The following LIN28B variants were observed in gnomAD, a reference collection of about 807,000 sequenced individuals.
The protein encoded by LIN28B is protein lin-28 homolog B.
A neutral mutation model predicts 21.9 loss-of-function variants in LIN28B; 5 were observed. The observed-to-expected ratio is 0.23, with a 90% CI of 0.12 to 0.48. LIN28B has a LOEUF of 0.48. Ranked by LOEUF, LIN28B falls within the 20% of genes least tolerant of loss-of-function variation. The pLI is 0.98. For missense variants in LIN28B, 245 were observed against 310.5 expected (o/e 0.79, Z 1.58); for synonymous variants, 109 against 111.3 (o/e 0.98, Z 0.13).
At chr6:105,046,529 C>G (rs1408518181) in intron 3 of LIN28B, among the ~76,000 whole-genome samples, 1 of 152,180 alleles carries the variant, frequency 6.6e-6, no homozygotes, top group African/African-American at 2.4e-5. Flanking sequence ...TGGGTATACA[C>G]CCAGTAATGG....
intron 2 of LIN28B, among the ~76,000 whole-genome samples, chr6:104,989,821 G>A (rs950135540): frequency 3.3e-5 from 5 of 151,798 alleles, no homozygotes; most frequent in African/African-American, 1.2e-4. Context: ...CGAACTCCTG[G>A]CCTCAAGTGA....
intron 3 of LIN28B, among the ~76,000 whole-genome samples, chr6:105,031,010 GA>G (rs897749116): frequency 1.3e-5 from 2 of 151,812 alleles, no homozygotes; most frequent in African/African-American, 4.8e-5. Context: ...AAAAAGGTAG[GA>G]AAAATTAAGT....
intron 3 of LIN28B, among the ~76,000 whole-genome samples, chr6:105,033,701 A>G (rs1771469689): frequency 6.6e-6 from 1 of 151,944 alleles, no homozygotes. Context: ...TTTATAAAAA[A>G]GTGAAGATTG....
At chr6:104,978,757 G>T (rs1031934537) in intron 2 of LIN28B, among the ~76,000 whole-genome samples, 1 of 152,054 alleles carries the variant, frequency 6.6e-6, no homozygotes, top group African/African-American at 2.4e-5. Flanking sequence ...AACACTGTTG[G>T]TTGTATATCC....
intron 2 of LIN28B, among the ~76,000 whole-genome samples, chr6:105,005,363 C>T (rs1770795480): frequency 6.6e-6 from 1 of 152,092 alleles, no homozygotes; most frequent in Non-Finnish European, 1.5e-5. Flanking sequence ...TGTGAAAACT[C>T]ATATCCTTCT....
chr6:104,954,551 C>G (rs1778260764), upstream of LIN28B, among the ~76,000 whole-genome samples: 1 of 152,138 alleles, frequency 6.6e-6, no homozygotes, highest in African/African-American at 2.4e-5. Context: ...TTTACCCTCC[C>G]CCAAGGTATG....
chr6:105,019,286 G>C (rs1355350212), intron 2 of LIN28B, among the ~76,000 whole-genome samples: 1 of 152,056 alleles, frequency 6.6e-6, no homozygotes, highest in Admixed American at 6.6e-5. Flanking sequence ...ATGATTCTTG[G>C]TTGACCCTTC....
chr6:104,993,876 G>A (rs896230923), intron 2 of LIN28B, among the ~76,000 whole-genome samples: 13 of 151,056 alleles, frequency 8.6e-5, no homozygotes, highest in African/African-American at 2.7e-4. Flanking sequence ...TTTTGTGAGC[G>A]TCAGTACAAA....
At chr6:105,060,605 A>G (rs1772106799) in intron 3 of LIN28B, among the ~76,000 whole-genome samples, 1 of 152,164 alleles carries the variant, frequency 6.6e-6, no homozygotes, top group African/African-American at 2.4e-5. Context: ...TCTACTCCCA[A>G]ATAGACAGGA....
intron 2 of LIN28B, among the ~76,000 whole-genome samples, chr6:104,998,553 A>G (rs1031111602): frequency 1.3e-5 from 2 of 152,140 alleles, no homozygotes. Context: ...GTGTCATGTT[A>G]CAACTGCCTA....
intron 2 of LIN28B, among the ~76,000 whole-genome samples, chr6:105,010,994 C>A (rs938397380): frequency 2.0e-5 from 3 of 152,094 alleles, no homozygotes; most frequent in African/African-American, 7.2e-5. Flanking sequence ...TTTTTACTTG[C>A]TATTGTTGGG....
chr6:105,082,662 C>A lies in LIN28B; in HGVS notation c.*3879C>A, dbSNP rs3185958. On this transcript the variant is annotated 3_prime_UTR_variant, in exon 4 of 4. Coordinates refer to ENST00000345080, the MANE Select transcript of LIN28B (RefSeq NM_001004317.4). ...ATCAAACTCTGTCTTACATAGCTGTCAACAGCCTCTTTAAGATGTGGTGGT... is the reference window on the plus strand; with the variant it reads ...ATCAAACTCTGTCTTACATAGCTGTAAACAGCCTCTTTAAGATGTGGTGGT... The A allele has an allele frequency of 6.6e-6, 1 of 152,636 alleles. No individual in the cohort carries two copies. The highest frequency in any genetic ancestry group is 1.5e-5 in the Non-Finnish European group (1 of 68,036). 9.5% of individuals were successfully genotyped at this position (152,636 alleles called of 1,614,324 possible).
At chr6:105,077,614 A>G (rs1772457204) in intron 3 of LIN28B, among the ~76,000 whole-genome samples, 1 of 152,218 alleles carries the variant, frequency 6.6e-6, no homozygotes, top group South Asian at 2.1e-4. Flanking sequence ...AACTTAAAAG[A>G]GATCACCCTA....
At chr6:104,978,671 G>C (rs1358581371) in intron 2 of LIN28B, among the ~76,000 whole-genome samples, 1 of 152,144 alleles carries the variant, frequency 6.6e-6, no homozygotes, top group South Asian at 2.1e-4. Flanking sequence ...CCTGTAGCAG[G>C]TAAGTGGGAC....
At chr6:104,953,356 CTT>C (rs1468034238), upstream of LIN28B, among the ~76,000 whole-genome samples, 7 of 152,190 alleles carry the variant, frequency 4.6e-5, no homozygotes, top group Non-Finnish European at 1.0e-4. Flanking sequence ...GATTCCCTCT[CTT>C]TGACCGCACT....
In LIN28B at chr6:105,081,178, G is replaced by T. The variant is rs1218519625; in HGVS notation, c.*2395G>T. On this transcript the variant is annotated 3_prime_UTR_variant, in exon 4 of 4. Transcript: ENST00000345080. ...ATTTTTGTTGTTTCTTTACAGACTA[G>T]TCTACAGTCCTGCTTACTCAAAACA... The T allele has an allele frequency of 6.6e-6, 1 of 152,536 alleles. No homozygotes were observed. The highest frequency in any genetic ancestry group is 1.9e-4 in the East Asian group (1 of 5,198). 9.4% of individuals were successfully genotyped at this position (152,536 alleles called of 1,614,324 possible).
At chr6:105,047,270 A>G (rs1771788864) in intron 3 of LIN28B, among the ~76,000 whole-genome samples, 1 of 152,234 alleles carries the variant, frequency 6.6e-6, no homozygotes, top group South Asian at 2.1e-4. Flanking sequence ...TTTATTAAAT[A>G]GGGAATCCTT....
chr6:104,984,392 C>G (rs1770290547), intron 2 of LIN28B, among the ~76,000 whole-genome samples: 1 of 151,996 alleles, frequency 6.6e-6, no homozygotes, highest in Non-Finnish European at 1.5e-5. Flanking sequence ...TTGGCTTTAC[C>G]TCAACTCTTG....
At chr6:104,959,920 T>C (rs2114569469) in intron 2 of LIN28B, among the ~76,000 whole-genome samples, 1 of 152,330 alleles carries the variant, frequency 6.6e-6, no homozygotes, top group South Asian at 2.1e-4. Flanking sequence ...GTTTACCTTC[T>C]AAAATATTCA....
Sources: allele counts gnomAD v4.1 joint callset (sites outside exome capture counted in the v4.1 genomes callset), GRCh38; gene constraint gnomAD v4.1.1; transcripts MANE v1.5; gene names NCBI Gene and HGNC (gene_info 2026-07-23, HGNC 2026-07-21).